SLC30A8: variants seen among roughly 807,000 people sequenced by gnomAD.
The protein encoded by SLC30A8 is solute carrier family 30 member 8.
Under a neutral mutation model 36.9 loss-of-function variants are expected in SLC30A8, and 27 were observed. That is an observed-to-expected ratio of 0.73 (90% CI 0.54 to 1.01). The LOEUF is 1.01. Among genes scored for constraint, SLC30A8 ranks in the 50% least tolerant of loss-of-function variants. The pLI is 0.00. For synonymous variants in SLC30A8, 164 were observed against 172.4 expected (o/e 0.95, Z 0.38); for missense variants, 439 against 452.0 (o/e 0.97, Z 0.26).
intron 1 of SLC30A8, among the ~76,000 whole-genome samples, chr8:117,015,137 G>A (rs1188750413): frequency 6.6e-6 from 1 of 151,878 alleles, no homozygotes; most frequent in Non-Finnish European, 1.5e-5. Flanking sequence ...AAACTGCGTG[G>A]CACAAACAAG....
At chr8:116,991,238 A>G (rs1815632161) in intron 1 of SLC30A8, among the ~76,000 whole-genome samples, 1 of 152,032 alleles carries the variant, frequency 6.6e-6, no homozygotes, top group Non-Finnish European at 1.5e-5. Context: ...TTTAGTCAAG[A>G]ATCTTTTCTT....
chr8:117,079,725 C>T (rs1253593329), intron 2 of SLC30A8, among the ~76,000 whole-genome samples: 1 of 152,156 alleles, frequency 6.6e-6, no homozygotes, highest in East Asian at 1.9e-4. Flanking sequence ...TAGCTACCTG[C>T]CTGAGGATGG....
intron 1 of SLC30A8, among the ~76,000 whole-genome samples, chr8:117,001,906 T>C (rs1816022016): frequency 6.6e-6 from 1 of 152,210 alleles, no homozygotes; most frequent in Non-Finnish European, 1.5e-5. Context: ...AAAGCAATGG[T>C]TTATTTATAA....
chr8:117,168,534 G>A (rs909878773), intron 6 of SLC30A8, among the ~76,000 whole-genome samples: 4 of 152,090 alleles, frequency 2.6e-5, no homozygotes, highest in Non-Finnish European at 5.9e-5. Context: ...AGGATGTGAT[G>A]GAGCATTGAG....
chr8:116,953,454 T>C (rs891778999), intron 1 of SLC30A8, among the ~76,000 whole-genome samples: 2 of 152,230 alleles, frequency 1.3e-5, no homozygotes, highest in African/African-American at 4.8e-5. Context: ...TTATATTTTC[T>C]TCTTGTATAA....
At chr8:117,082,224 C>T (rs939801957) in intron 2 of SLC30A8, among the ~76,000 whole-genome samples, 1 of 152,068 alleles carries the variant, frequency 6.6e-6, no homozygotes, top group Non-Finnish European at 1.5e-5. Context: ...TGCAGTGATC[C>T]ATACCCTGCT....
chr8:117,143,665 A>AAC (rs58613241), intron 1 of SLC30A8, among the ~76,000 whole-genome samples: 5,936 of 146,166 alleles, frequency 0.041, 131 homozygotes, highest in Non-Finnish European at 0.057. Context: ...TCTCCCATAA[A>AAC]ACACACACAC....
intron 2 of SLC30A8, among the ~76,000 whole-genome samples, chr8:117,095,680 C>T (rs577075895): frequency 6.6e-6 from 1 of 152,234 alleles, no homozygotes; most frequent in East Asian, 1.9e-4. Flanking sequence ...AATCCATTGC[C>T]TTGTTCATTC....
intron 2 of SLC30A8, among the ~76,000 whole-genome samples, chr8:117,047,405 AC>A (rs541062600): frequency 1.3e-5 from 2 of 152,152 alleles, no homozygotes; most frequent in Non-Finnish European, 2.9e-5. Flanking sequence ...CTTCCTCCAA[AC>A]TAGAGGGAAT....
upstream of SLC30A8, among the ~76,000 whole-genome samples, chr8:117,133,321 TA>T: frequency 6.6e-6 from 1 of 152,124 alleles, no homozygotes; most frequent in East Asian, 1.9e-4. Context: ...ACTCTCACTT[TA>T]TTCTTGCCCC....
chr8:117,101,518 C>G (rs1819719903), intron 2 of SLC30A8, among the ~76,000 whole-genome samples: 1 of 152,108 alleles, frequency 6.6e-6, no homozygotes, highest in Admixed American at 6.6e-5. Flanking sequence ...AGAACATTTC[C>G]TTTTATTTAG....
chr8:117,059,986 A>C (rs1256710477), intron 2 of SLC30A8, among the ~76,000 whole-genome samples: 1 of 152,020 alleles, frequency 6.6e-6, no homozygotes, highest in Non-Finnish European at 1.5e-5. Flanking sequence ...GAGTTAGAAC[A>C]GAAGCAACTG....
At chr8:117,057,122 C>G (rs1052721772) in intron 2 of SLC30A8, among the ~76,000 whole-genome samples, 2 of 152,102 alleles carry the variant, frequency 1.3e-5, no homozygotes, top group African/African-American at 4.8e-5. Context: ...ATCAAGGAGC[C>G]AGCAAATTTG....
chr8:117,023,711 G>A (rs1816782082), intron 1 of SLC30A8, among the ~76,000 whole-genome samples: 1 of 145,848 alleles, frequency 6.9e-6, no homozygotes, highest in Non-Finnish European at 1.5e-5. Flanking sequence ...TCACACACCA[G>A]GGCCTGTTGT....
chr8:116,991,149 C>T (rs1360190170), intron 1 of SLC30A8, among the ~76,000 whole-genome samples: 1 of 152,100 alleles, frequency 6.6e-6, no homozygotes, highest in East Asian at 1.9e-4. Context: ...TTTCCCTTTA[C>T]GAATGAGATT....
chr8:117,117,960 C>CAG (rs907567590), intron 2 of SLC30A8, among the ~76,000 whole-genome samples: 1 of 151,762 alleles, frequency 6.6e-6, no homozygotes, highest in African/African-American at 2.4e-5. Flanking sequence ...GAAAAGGCTC[C>CAG]AGATAGGCTG....
At chr8:117,140,660 T>G (rs540879044) in intron 1 of SLC30A8, among the ~76,000 whole-genome samples, 1 of 152,142 alleles carries the variant, frequency 6.6e-6, no homozygotes, top group South Asian at 2.1e-4. Context: ...CTAAACTATA[T>G]TCCTAAAATA....
intron 2 of SLC30A8, among the ~76,000 whole-genome samples, chr8:117,068,246 G>A (rs1443460711): frequency 6.6e-6 from 1 of 152,164 alleles, no homozygotes; most frequent in African/African-American, 2.4e-5. Flanking sequence ...TTCCATCAGG[G>A]GTTCTGGGAG....
chr8:116,988,461 T>G (rs1037345184), intron 1 of SLC30A8, among the ~76,000 whole-genome samples: 3 of 152,190 alleles, frequency 2.0e-5, no homozygotes, highest in Non-Finnish European at 2.9e-5. Context: ...CTTTATGGGC[T>G]TCCCCAAGCC....
Sources: gnomAD v4.1 joint callset for allele counts (sites outside exome capture counted in the v4.1 genomes callset) on GRCh38, gnomAD v4.1.1 for gene constraint, MANE v1.5 for transcripts, NCBI Gene and HGNC (gene_info 2026-07-23, HGNC 2026-07-21) for gene names.